ST8SIA1: variants seen among roughly 807,000 people sequenced by gnomAD.
The protein encoded by ST8SIA1 is ST8 alpha-N-acetyl-neuraminide alpha-2,8-sialyltransferase 1.
In ST8SIA1, 16 loss-of-function variants were observed where a neutral mutation model predicts 35.9. The ratio of observed to expected loss-of-function variants is 0.45; its 90% CI spans 0.30 to 0.68. The LOEUF (loss-of-function observed/expected upper bound fraction) is 0.68, where lower values mean the gene tolerates loss of function less well. Among genes scored for constraint, ST8SIA1 ranks in the 30% least tolerant of loss-of-function variants. The pLI, the probability that ST8SIA1 is intolerant of heterozygous loss-of-function variation, is 0.09. For missense variants in ST8SIA1, 383 were observed against 453.6 expected, an observed-to-expected ratio of 0.84 and a Z score of 1.41; for synonymous variants, 170 against 169.6, an observed-to-expected ratio of 1.00 and a Z score of -0.02.
chr12:22,258,772 T>C (rs1449459886), intron 2 of ST8SIA1, among the ~76,000 whole-genome samples: 1 of 152,244 alleles, frequency 6.6e-6, no homozygotes, highest in East Asian at 1.9e-4. Flanking sequence ...CCTTTAATTG[T>C]TGTCAAAGAG....
chr12:22,279,174 G>A (rs1484716299), intron 2 of ST8SIA1, among the ~76,000 whole-genome samples: 1 of 152,074 alleles, frequency 6.6e-6, no homozygotes, highest in Non-Finnish European at 1.5e-5. Flanking sequence ...TGAGCAATGT[G>A]GGTCAATCTT....
Position 22,195,424 on chromosome 12 carries a change from T to G in ST8SIA1, c.*6128A>C, listed in dbSNP as rs998478781. ...CCTCTAGCATCTTTTCTCTCTTTTTTTTTCTGTTTGTTGTTTTGTTTTGTT... is the reference window on the plus strand; with the variant it reads ...CCTCTAGCATCTTTTCTCTCTTTTTGTTTCTGTTTGTTGTTTTGTTTTGTT... On this transcript the variant is annotated 3_prime_UTR_variant, in exon 5 of 5. Coordinates refer to ENST00000396037, the MANE Select transcript of ST8SIA1 (RefSeq NM_003034.4). The G allele has an allele frequency of 6.6e-6, 1 of 152,200 alleles. No individual in the cohort carries two copies. The highest frequency in any genetic ancestry group is 2.4e-5 in the African/African-American group (1 of 41,298). 9.4% of individuals were successfully genotyped at this position (152,200 alleles called of 1,614,324 possible). A position where few individuals can be genotyped will look rare whatever the true frequency, so the allele number is the denominator to read the frequency against.
chr12:22,306,481 G>C (rs1866384635), intron 1 of ST8SIA1, among the ~76,000 whole-genome samples: 2 of 151,944 alleles, frequency 1.3e-5, no homozygotes, highest in South Asian at 4.1e-4. Flanking sequence ...AGTTTGGCTG[G>C]GTAACAAAAT....
chr12:22,238,171 C>T (rs1011391693), intron 4 of ST8SIA1, among the ~76,000 whole-genome samples: 12 of 149,744 alleles, frequency 8.0e-5, no homozygotes, highest in Admixed American at 2.0e-4. Context: ...ACTCCCCCCC[C>T]AACAAGAGGT....
intron 2 of ST8SIA1, among the ~76,000 whole-genome samples, chr12:22,276,678 C>T (rs1865972667): frequency 6.6e-6 from 1 of 152,136 alleles, no homozygotes; most frequent in Non-Finnish European, 1.5e-5. Flanking sequence ...CACTGATTCT[C>T]AGTTGGGGTG....
At chr12:22,269,666 A>G (rs2135805243) in intron 2 of ST8SIA1, among the ~76,000 whole-genome samples, 1 of 152,334 alleles carries the variant, frequency 6.6e-6, no homozygotes, top group Admixed American at 6.5e-5. Flanking sequence ...GGCAGAGCTA[A>G]GAAGGTAGCT....
chr12:22,195,900 G>C lies in ST8SIA1; in HGVS notation c.*5652C>G, dbSNP rs1268097544. Reference sequence around the variant, plus strand: ...ATATCACATCTCTTAGATGTTTATTGGTGTTGTGTGAAGCATACATTTTAA... The same window carrying C: ...ATATCACATCTCTTAGATGTTTATTCGTGTTGTGTGAAGCATACATTTTAA... On this transcript the variant is annotated 3_prime_UTR_variant, in exon 5 of 5. Transcript: ENST00000396037. 1 of 152,024 alleles carries C rather than the reference G, an allele frequency of 6.6e-6. No individual in the cohort carries two copies. Among genetic ancestry groups the C allele is most frequent in the Non-Finnish European group, 1.5e-5 (1 of 68,014 alleles). The allele number at this position is 152,024 out of a possible 1,614,324, so 9.4% of individuals were successfully genotyped here. A position where few individuals can be genotyped will look rare whatever the true frequency, so the allele number is the denominator to read the frequency against.
intron 4 of ST8SIA1, among the ~76,000 whole-genome samples, chr12:22,222,137 A>C (rs1865307198): frequency 6.6e-6 from 1 of 152,240 alleles, no homozygotes; most frequent in Admixed American, 6.5e-5. Context: ...AAGTAAACAA[A>C]CTTAACTTAT....
intron 1 of ST8SIA1, 97 bp from the exon 2 acceptor site, chr12:22,287,390 C>CG: frequency 8.0e-7 from 1 of 1,256,186 alleles, no homozygotes; most frequent in Non-Finnish European, 1.1e-6. Flanking sequence ...CACCTTACCT[C>CG]AGTGCCAGCT....
At chr12:22,285,877 C>CAAAAAAAAACAA (rs60441064) in intron 2 of ST8SIA1, among the ~76,000 whole-genome samples, 43 of 103,664 alleles carry the variant, frequency 4.1e-4, no homozygotes, top group African/African-American at 1.5e-3. Flanking sequence ...CTGTCAAAAA[C>CAAAAAAAAACAA]AAAAAAAAAA....
At chr12:22,205,775 TA>T (rs549412250) in intron 4 of ST8SIA1, among the ~76,000 whole-genome samples, 97 of 148,140 alleles carry the variant, frequency 6.5e-4, no homozygotes, top group African/African-American at 1.8e-3. Context: ...TTACAAAAAC[TA>T]AAAAAAAAAT....
Position 22,199,354 on chromosome 12 carries a change from T to G in ST8SIA1, c.*2198A>C, listed in dbSNP as rs1191486367. On this transcript the variant is annotated 3_prime_UTR_variant, in exon 5 of 5. Transcript: ENST00000396037. ...TTAACAATTAAAGTACTAATCTGAG[T>G]AACATTTTATTAACTTTTATATGCG... The G allele has an allele frequency of 2.7e-5, 4 of 145,494 alleles. No individual in the cohort carries two copies. Among genetic ancestry groups the G allele is most frequent in the African/African-American group, 7.7e-5 (3 of 38,968 alleles). 9.0% of individuals were successfully genotyped at this position (145,494 alleles called of 1,614,324 possible).
chr12:22,259,809 A>C (rs555497731), intron 2 of ST8SIA1, among the ~76,000 whole-genome samples: 1 of 152,324 alleles, frequency 6.6e-6, no homozygotes, highest in African/African-American at 2.4e-5. Flanking sequence ...TAATACTCTC[A>C]TTAATACTCA....
intron 1 of ST8SIA1, chr12:22,325,730 T>C: frequency 1.6e-6 from 1 of 622,850 alleles, no homozygotes; most frequent in South Asian, 2.0e-5. Context: ...ATTTGATTTA[T>C]AAATTAGGCA....
At position 22,194,359 on chromosome 12, in the gene ST8SIA1, A is replaced by C. The variant is rs945929310; in HGVS notation, c.*7193T>G. 8 of 152,328 alleles carry C rather than the reference A, an allele frequency of 5.3e-5. 1 individual carries two copies. The highest frequency in any genetic ancestry group is 2.0e-4 in the Admixed American group (3 of 15,294). The allele number at this position is 152,328 out of a possible 1,614,324, so 9.4% of individuals were successfully genotyped here. A position where few individuals can be genotyped will look rare whatever the true frequency, so the allele number is the denominator to read the frequency against. Reference sequence around the variant, plus strand: ...TCTATGACTTCAATGAAGGATATTTACATACTATTATCAGACTTCTCCAAG... The same window carrying C: ...TCTATGACTTCAATGAAGGATATTTCCATACTATTATCAGACTTCTCCAAG... On this transcript the variant is annotated 3_prime_UTR_variant, in exon 5 of 5. Coordinates refer to ENST00000396037, the MANE Select transcript of ST8SIA1 (RefSeq NM_003034.4).
Position 22,198,186 on chromosome 12 carries a change from A to G in ST8SIA1, c.*3366T>C, listed in dbSNP as rs771271751. The G allele has an allele frequency of 3.9e-5, 6 of 152,008 alleles. No individual in the cohort carries two copies. The highest frequency in any genetic ancestry group is 8.8e-5 in the Non-Finnish European group (6 of 68,000). 9.4% of individuals were successfully genotyped at this position (152,008 alleles called of 1,614,324 possible). ...CCTATGGATCAGCCTAATTTTTATG[A>G]CTACACAACAATTTTTTTAATTAGT... On this transcript the variant is annotated 3_prime_UTR_variant, in exon 5 of 5. Transcript: ENST00000396037.
At chr12:22,243,141 A>G (rs993763673) in intron 4 of ST8SIA1, among the ~76,000 whole-genome samples, 2 of 152,164 alleles carry the variant, frequency 1.3e-5, no homozygotes, top group African/African-American at 4.8e-5. Flanking sequence ...AACCTGTTTT[A>G]TCTTGTTACT....
At chr12:22,277,657 G>A (rs538945047) in intron 2 of ST8SIA1, among the ~76,000 whole-genome samples, 4 of 152,158 alleles carry the variant, frequency 2.6e-5, no homozygotes, top group East Asian at 3.9e-4. Context: ...ATGAGCCACC[G>A]CGCCTGTCTG....
At chr12:22,322,756 A>C (rs1387459412) in intron 1 of ST8SIA1, among the ~76,000 whole-genome samples, 1 of 152,176 alleles carries the variant, frequency 6.6e-6, no homozygotes, top group Non-Finnish European at 1.5e-5. Context: ...ACCCAACAAA[A>C]TATCATCATG....
Sources: gnomAD v4.1 joint callset for allele counts (sites outside exome capture counted in the v4.1 genomes callset) on GRCh38, gnomAD v4.1.1 for gene constraint, MANE v1.5 for transcripts, NCBI Gene and HGNC (gene_info 2026-07-23, HGNC 2026-07-21) for gene names.